IGF2BP3: variants seen among roughly 807,000 people sequenced by gnomAD.
The protein encoded by IGF2BP3 is insulin-like growth factor 2 mRNA-binding protein 3.
Under a neutral mutation model 73.8 loss-of-function variants are expected in IGF2BP3, and 9 were observed. That is an observed-to-expected ratio of 0.12 (90% CI 0.07 to 0.21). The LOEUF (loss-of-function observed/expected upper bound fraction) is 0.21, where lower values mean the gene tolerates loss of function less well. IGF2BP3 is among the 10% of genes least tolerant of loss of function. The pLI is 1.00. For missense variants in IGF2BP3, 542 were observed against 714.0 expected, an observed-to-expected ratio of 0.76 and a Z score of 2.75; for synonymous variants, 258 against 256.7, an observed-to-expected ratio of 1.01 and a Z score of -0.05.
intron 3 of IGF2BP3, among the ~76,000 whole-genome samples, chr7:23,371,061 A>T (rs937237846): frequency 6.6e-6 from 1 of 152,186 alleles, no homozygotes; most frequent in Admixed American, 6.5e-5. Flanking sequence ...ATAGAAGTGG[A>T]ACAAGCATTA....
intron 3 of IGF2BP3, among the ~76,000 whole-genome samples, chr7:23,388,408 C>A (rs546248563): frequency 6.6e-6 from 1 of 152,176 alleles, no homozygotes; most frequent in East Asian, 1.9e-4. Flanking sequence ...GAGGAAAAAA[C>A]CAAAACTTTT....
rs564314958 is a variant in IGF2BP3 at position 23,386,148 on chromosome 7, C to G, written c.286-24407G>C. On this transcript the variant is annotated intron_variant, in intron 3 of 14. Coordinates refer to ENST00000258729, the MANE Select transcript of IGF2BP3 (RefSeq NM_006547.3). Reference sequence around the variant, plus strand: ...TAGGTACATGGGGAGATTTATTATACTATTCTCTCTACATTTGTAAATGCT... The same window carrying G: ...TAGGTACATGGGGAGATTTATTATAGTATTCTCTCTACATTTGTAAATGCT... 8.5e-5 allele frequency among the ~76,000 whole-genome samples: 13 copies of G among 152,226 alleles called. No individual in the cohort carries two copies. The South Asian group carries it at 2.5e-3, about 29-fold the overall frequency.
At chr7:23,445,376 A>G (rs1222997896) in intron 2 of IGF2BP3, among the ~76,000 whole-genome samples, 1 of 151,596 alleles carries the variant, frequency 6.6e-6, no homozygotes, top group African/African-American at 2.4e-5. Flanking sequence ...CGTATACACT[A>G]TAGAGTATTA....
chr7:23,426,719 A>G (rs1787521389), intron 2 of IGF2BP3, among the ~76,000 whole-genome samples: 2 of 152,152 alleles, frequency 1.3e-5, no homozygotes, highest in East Asian at 3.8e-4. Flanking sequence ...CTCTTGTTTC[A>G]TATTTGAGAG....
chr7:23,325,085 G>A (rs948495257), intron 10 of IGF2BP3, among the ~76,000 whole-genome samples: 1 of 151,924 alleles, frequency 6.6e-6, no homozygotes, highest in African/African-American at 2.4e-5. Flanking sequence ...AATCAGGCAG[G>A]AGAAGGAAAT....
chr7:23,418,861 A>C, intron 2 of IGF2BP3, 37 bp from the exon 3 acceptor site: 1 of 1,389,786 alleles, frequency 7.2e-7, no homozygotes, highest in South Asian at 1.3e-5. Flanking sequence ...AAAGAAAAAA[A>C]CATAAAAGCA....
chr7:23,364,329 G>A (rs539871420), intron 3 of IGF2BP3, among the ~76,000 whole-genome samples: 55 of 151,632 alleles, frequency 3.6e-4, no homozygotes, highest in South Asian at 2.5e-3. Flanking sequence ...GGCTGAGATC[G>A]TGCCACTGCA....
In IGF2BP3 at chr7:23,325,279, C is replaced by T. The variant is rs572607722; in HGVS notation, c.1204-6025G>A. Reference sequence around the variant, plus strand: ...CACAAGCATTCTTATACATCAATAACAGACAAACAGAGAGCCAAATCATGA... The same window carrying T: ...CACAAGCATTCTTATACATCAATAATAGACAAACAGAGAGCCAAATCATGA... On this transcript the variant is annotated intron_variant, in intron 10 of 14. Coordinates refer to ENST00000258729, the MANE Select transcript of IGF2BP3 (RefSeq NM_006547.3). Among the ~76,000 whole-genome samples, 70 of 152,190 alleles carry T rather than the reference C, an allele frequency of 4.6e-4. 2 individuals carry two copies. In the South Asian group the frequency reaches 0.011, roughly 24 times the overall value.
intron 2 of IGF2BP3, among the ~76,000 whole-genome samples, chr7:23,464,456 T>C (rs1788517749): frequency 6.6e-6 from 1 of 152,168 alleles, no homozygotes; most frequent in African/African-American, 2.4e-5. Context: ...CTATCACTGT[T>C]TTCTTTTTTA....
chr7:23,413,889 T>TA (rs1466580719), intron 3 of IGF2BP3: 1 of 152,052 alleles, frequency 6.6e-6, no homozygotes, highest in Non-Finnish European at 1.5e-5. Flanking sequence ...TTCAGAAAGT[T>TA]AGTCTGTAAT....
At chr7:23,415,368 C>T (rs1357454923) in intron 3 of IGF2BP3, 11 of 229,258 alleles carry the variant, frequency 4.8e-5, no homozygotes, top group Non-Finnish European at 8.8e-5. Context: ...TCGGCATCAC[C>T]GCATCGCCAG....
chr7:23,339,383 C>T (rs185241039), intron 10 of IGF2BP3, among the ~76,000 whole-genome samples: 22 of 152,326 alleles, frequency 1.4e-4, no homozygotes, highest in Admixed American at 1.4e-3. Context: ...TCAAAGCATT[C>T]TTAATTTTTC....
intron 2 of IGF2BP3, among the ~76,000 whole-genome samples, chr7:23,456,941 C>T (rs927043327): frequency 3.3e-5 from 5 of 152,028 alleles, no homozygotes; most frequent in African/African-American, 9.7e-5. Context: ...CGCAGCTACT[C>T]GGGAGGCTGA....
intron 3 of IGF2BP3, among the ~76,000 whole-genome samples, chr7:23,399,546 A>G (rs75907044): frequency 0.015 from 2,353 of 152,278 alleles, 78 homozygotes; most frequent in African/African-American, 0.054. Context: ...CCTTGACTTT[A>G]ACCCACAGAG....
intron 3 of IGF2BP3, among the ~76,000 whole-genome samples, chr7:23,376,348 G>A (rs553878382): frequency 2.0e-5 from 3 of 150,388 alleles, no homozygotes; most frequent in African/African-American, 4.9e-5. Flanking sequence ...CCTGAGGTCC[G>A]GAGTTTGGAG....
At chr7:23,381,019 T>G (rs1397016178) in intron 3 of IGF2BP3, among the ~76,000 whole-genome samples, 4 of 152,232 alleles carry the variant, frequency 2.6e-5, no homozygotes, top group Non-Finnish European at 5.9e-5. Context: ...TTGTTTTTAC[T>G]GTGGAAGGCC....
intron 3 of IGF2BP3, among the ~76,000 whole-genome samples, chr7:23,408,808 G>A (rs969070511): frequency 1.3e-5 from 2 of 152,118 alleles, no homozygotes; most frequent in African/African-American, 4.8e-5. Context: ...CAATCCATAT[G>A]CCCATGGACA....
intron 1 of IGF2BP3, 37 bp from the exon 2 acceptor site, chr7:23,468,579 T>TCAGCGG: frequency 6.2e-7 from 1 of 1,605,262 alleles, no homozygotes; most frequent in Non-Finnish European, 8.5e-7. Context: ...TCGGCCGAGT[T>TCAGCGG]CAGCGGCTCT....
At chr7:23,439,475 C>T (rs1212204565) in intron 2 of IGF2BP3, among the ~76,000 whole-genome samples, 2 of 136,882 alleles carry the variant, frequency 1.5e-5, no homozygotes, top group African/African-American at 5.5e-5. Context: ...AGGAGAATGG[C>T]GTGAGTAGGG....
Sources: allele counts gnomAD v4.1 joint callset (sites outside exome capture counted in the v4.1 genomes callset), GRCh38; gene constraint gnomAD v4.1.1; transcripts MANE v1.5; gene names NCBI Gene and HGNC (gene_info 2026-07-23, HGNC 2026-07-21).